NOTCH2NLC: variants seen among roughly 807,000 people sequenced by gnomAD.
The protein encoded by NOTCH2NLC is notch homolog 2 N-terminal-like protein C.
Under a neutral mutation model 17.7 loss-of-function variants are expected in NOTCH2NLC, and 4 were observed. The observed-to-expected ratio is 0.23, with a 90% CI of 0.11 to 0.52. NOTCH2NLC has a LOEUF of 0.52. Among genes scored for constraint, NOTCH2NLC ranks in the 20% least tolerant of loss-of-function variants. The pLI is 0.96. For missense variants in NOTCH2NLC, 57 were observed against 207.2 expected (o/e 0.28, Z 4.45); for synonymous variants, 18 against 86.0 (o/e 0.21, Z 4.38).
chr1:149,394,515 A>T (rs1286899188), intron 1 of NOTCH2NLC, among the ~76,000 whole-genome samples: 4 of 151,114 alleles, frequency 2.6e-5, no homozygotes, highest in Non-Finnish European at 5.9e-5. Flanking sequence ...TAGATGATAT[A>T]ATAAATTCTC....
intron 1 of NOTCH2NLC, among the ~76,000 whole-genome samples, chr1:149,417,509 C>G (rs2084343148): frequency 6.6e-6 from 1 of 151,376 alleles, no homozygotes; most frequent in African/African-American, 2.4e-5. Context: ...GTTCAGACAT[C>G]TTGATTTGTG....
At chr1:149,427,276 T>A (rs2084418446) in intron 1 of NOTCH2NLC, among the ~76,000 whole-genome samples, 1 of 148,258 alleles carries the variant, frequency 6.7e-6, no homozygotes, top group African/African-American at 2.5e-5. Context: ...TACCCATTGA[T>A]CATCAGGCCC....
chr1:149,416,690 T>A (rs2084337131), intron 1 of NOTCH2NLC, among the ~76,000 whole-genome samples: 1 of 148,530 alleles, frequency 6.7e-6, no homozygotes, highest in African/African-American at 2.5e-5. Context: ...AGTGTCAATT[T>A]TACAAAGAAA....
At chr1:149,408,659 A>T (rs1420918718) in intron 1 of NOTCH2NLC, among the ~76,000 whole-genome samples, 1 of 151,220 alleles carries the variant, frequency 6.6e-6, no homozygotes, top group East Asian at 2.0e-4. Flanking sequence ...GTTCACAGGG[A>T]AAGAAAAATT....
Position 149,471,360 on chromosome 1 carries a change from G to T in NOTCH2NLC, c.*7207G>T, listed in dbSNP as rs1356877506. Among the ~76,000 whole-genome samples, 1 of 148,904 alleles carries T rather than the reference G, an allele frequency of 6.7e-6. No individual in the cohort carries two copies. Among genetic ancestry groups the T allele is most frequent in the Non-Finnish European group, 1.5e-5 (1 of 67,052 alleles). On this transcript the variant is annotated 3_prime_UTR_variant, in exon 5 of 5. Transcript: ENST00000650865. ...CAATTTATTTTTTCTTTTGTTGCTT[G>T]TGCTTTCAGTCATATTTGTGAAAAC...
chr1:149,460,853 C>CCCTTTCTTTCTTTCTTT (rs2084641109), intron 3 of NOTCH2NLC, among the ~76,000 whole-genome samples: 2 of 107,536 alleles, frequency 1.9e-5, no homozygotes, highest in South Asian at 6.9e-4. Flanking sequence ...CTTTCTTTCT[C>CCCTTTCTTTCTTTCTTT]CCTTTCTTTC....
chr1:149,460,905 T>C (rs1168619307), intron 3 of NOTCH2NLC, among the ~76,000 whole-genome samples: 27 of 70,492 alleles, frequency 3.8e-4, no homozygotes, highest in South Asian at 1.4e-3. Context: ...CTTTCTTTCT[T>C]TCTTTCTTTC....
rs1276252838 is a variant in NOTCH2NLC at position 149,442,026 on chromosome 1, G to A, written c.209+11011G>A. On this transcript the variant is annotated intron_variant, in intron 2 of 4. Transcript: ENST00000650865. The stretch of plus-strand genomic sequence containing the variant: ...AATTTAGTGCTTCTCTTCCCAGACC[G>A]TTGTCTTACATACACACTTCAGTCA... Among the ~76,000 whole-genome samples, 8 of 143,998 alleles carry A rather than the reference G, an allele frequency of 5.6e-5. No individual in the cohort carries two copies. The South Asian group carries it at 1.1e-3, about 20-fold the overall frequency. 94.5% of individuals were successfully genotyped at this position (143,998 alleles called of 152,430 possible).
At chr1:149,417,386 G>A (rs1184545674) in intron 1 of NOTCH2NLC, among the ~76,000 whole-genome samples, 4 of 151,172 alleles carry the variant, frequency 2.6e-5, no homozygotes, top group Non-Finnish European at 5.9e-5. Flanking sequence ...GGGATTACAG[G>A]CGTGAGCCAC....
rs1234689372 is a variant in NOTCH2NLC at position 149,462,541 on chromosome 1, A to T, written c.470-950A>T. 1.3e-3 allele frequency among the ~76,000 whole-genome samples: 179 copies of T among 138,002 alleles called. 2 individuals carry two copies. Among genetic ancestry groups the T allele is most frequent in the African/African-American group, 4.5e-3 (165 of 37,020 alleles). 90.5% of individuals were successfully genotyped at this position (138,002 alleles called of 152,430 possible). On this transcript the variant is annotated intron_variant, in intron 3 of 4. Coordinates refer to ENST00000650865, the MANE Select transcript of NOTCH2NLC (RefSeq NM_001364013.2). The stretch of plus-strand genomic sequence containing the variant: ...ATATGTGTGTGTTACATTTAGAGGA[A>T]ACAGAAGTAGTATTGACTTGTTTCT...
chr1:149,422,234 AC>A (rs1403587280), intron 1 of NOTCH2NLC, among the ~76,000 whole-genome samples: 130 of 107,894 alleles, frequency 1.2e-3, no homozygotes, highest in African/African-American at 4.4e-3. Context: ...GTGAAATTCC[AC>A]ACATAAACAT....
At chr1:149,424,040 A>G (rs2084396676) in intron 1 of NOTCH2NLC, among the ~76,000 whole-genome samples, 1 of 151,186 alleles carries the variant, frequency 6.6e-6, no homozygotes, top group Admixed American at 6.6e-5. Context: ...ACTGAAAAGC[A>G]TTGGAAAACC....
At chr1:149,431,059 T>C in intron 2 of NOTCH2NLC, 44 bp downstream of exon 2, 1 of 240,144 alleles carries the variant, frequency 4.2e-6, no homozygotes, top group South Asian at 2.7e-5. Context: ...GATAGAACAC[T>C]GGACAAGATT....
At chr1:149,416,357 CTTA>C (rs1307763220) in intron 1 of NOTCH2NLC, among the ~76,000 whole-genome samples, 1 of 44,058 alleles carries the variant, frequency 2.3e-5, no homozygotes, top group Non-Finnish European at 4.4e-5. Context: ...TACTTTATCT[CTTA>C]TGGCATTTTT....
At chr1:149,460,853 CCCTTTCTTTCTTTCTT>C (rs1330615231) in intron 3 of NOTCH2NLC, among the ~76,000 whole-genome samples, 4 of 107,536 alleles carry the variant, frequency 3.7e-5, no homozygotes, top group East Asian at 7.8e-4. Flanking sequence ...CTTTCTTTCT[CCCTTTCTTTCTTTCTT>C]TCTTTCTTTC....
intron 2 of NOTCH2NLC, among the ~76,000 whole-genome samples, chr1:149,454,738 A>T (rs1173285539): frequency 7.3e-5 from 11 of 150,902 alleles, no homozygotes; most frequent in Non-Finnish European, 1.6e-4. Flanking sequence ...CCACCTGAAC[A>T]TAACCCAGAA....
chr1:149,392,662 G>A (rs2084175927), intron 1 of NOTCH2NLC, among the ~76,000 whole-genome samples: 2 of 151,382 alleles, frequency 1.3e-5, no homozygotes, highest in African/African-American at 4.9e-5. Context: ...ACTTGTTTTG[G>A]TAAATAACTT....
At chr1:149,425,363 G>A (rs1430890692) in intron 1 of NOTCH2NLC, among the ~76,000 whole-genome samples, 2 of 150,706 alleles carry the variant, frequency 1.3e-5, no homozygotes, top group African/African-American at 4.9e-5. Flanking sequence ...AATTTAGATA[G>A]TAATGAGGAA....
Position 149,400,138 on chromosome 1 carries a change from T to G in NOTCH2NLC, c.135+9216T>G, listed in dbSNP as rs1301230968. Among the ~76,000 whole-genome samples the G allele has an allele frequency of 2.4e-3, 336 of 142,152 alleles. 16 individuals carry two copies. The highest frequency in any genetic ancestry group is 8.2e-3 in the African/African-American group (319 of 38,814). 93.3% of individuals were successfully genotyped at this position (142,152 alleles called of 152,430 possible). A position where few individuals can be genotyped will look rare whatever the true frequency, so the allele number is the denominator to read the frequency against. ...TATATATATATATATATATAATATA[T>G]ATTTTTTTTTTAGTTTATGAACAGA... On this transcript the variant is annotated intron_variant, in intron 1 of 4. Transcript: ENST00000650865.
Sources: gnomAD v4.1 joint callset for allele counts (sites outside exome capture counted in the v4.1 genomes callset) on GRCh38, gnomAD v4.1.1 for gene constraint, MANE v1.5 for transcripts, NCBI Gene and HGNC (gene_info 2026-07-23, HGNC 2026-07-21) for gene names.